The following SLC5A10 variants were observed in gnomAD, a reference collection of about 807,000 sequenced individuals.
The protein encoded by SLC5A10 is sodium/mannose cotransporter SLC5A10.
Under a neutral mutation model 68.9 loss-of-function variants are expected in SLC5A10, and 55 were observed. The ratio of observed to expected loss-of-function variants is 0.80; its 90% confidence interval spans 0.64 to 1.00. SLC5A10 has a LOEUF of 1.00. Ranked by LOEUF, SLC5A10 falls within the 50% of genes least tolerant of loss-of-function variation. The pLI is 0.00. For synonymous variants in SLC5A10, 344 were observed against 344.8 expected (o/e 1.00, Z 0.02); for missense variants, 732 against 819.3 (o/e 0.89, Z 1.30).
In SLC5A10 at chr17:19,019,869, C is replaced by G. The variant is rs745828196; in HGVS notation, c.1567C>G (p.Leu523Val). 2 of 1,613,014 alleles carry G rather than the reference C, an allele frequency of 1.2e-6. No homozygotes were observed. The highest frequency in any genetic ancestry group is 1.6e-4 in the Middle Eastern group (1 of 6,062). Residue 523 changes from leucine to valine, a missense_variant, in exon 13 of 15, where the codon CTC becomes GTC. Coordinates refer to ENST00000395645, the MANE Select transcript of SLC5A10 (RefSeq NM_001042450.4). ...YLHFAVALFALSGAVVVAGSL... is the reference protein window; with the variant it reads ...YLHFAVALFAVSGAVVVAGSL... Reference sequence around the variant, plus strand: ...GCACTTCGCTGTCGCCCTCTTTGCACTCAGTGGTGCTGTTGTGGTGGCTGG... The same window carrying G: ...GCACTTCGCTGTCGCCCTCTTTGCAGTCAGTGGTGCTGTTGTGGTGGCTGG...
intron 9 of SLC5A10, among the ~76,000 whole-genome samples, chr17:18,981,931 C>T (rs1226600004): frequency 1.3e-5 from 2 of 152,218 alleles, no homozygotes; most frequent in African/African-American, 4.8e-5. Flanking sequence ...CCTTCCCTGT[C>T]ACTGAGCCCA....
In SLC5A10 at chr17:18,968,611, G is replaced by A. The variant is rs2042759622; in HGVS notation, c.454-441G>A. 1.5e-5 allele frequency among the ~76,000 whole-genome samples: 2 copies of A among 136,478 alleles called. No individual in the cohort carries two copies. Among genetic ancestry groups the A allele is most frequent in the Admixed American group, 1.4e-4 (2 of 14,626 alleles). The allele number at this position is 136,478 out of a possible 152,430, so 89.5% of individuals were successfully genotyped here. On this transcript the variant is annotated intron_variant, in intron 5 of 14. Coordinates refer to ENST00000395645, the MANE Select transcript of SLC5A10 (RefSeq NM_001042450.4). This position sits in a 1 kb window ranked among gnomAD's most constrained non-coding sequence, Gnocchi z 4.1. ...AGCAAGGCTGCCCCTCTGTTTCCTG[G>A]TCCGCCCAGCACACACTTTTCCTGA...
At position 19,004,043 on chromosome 17, in the gene SLC5A10, G is replaced by C; in HGVS notation, c.983-9367G>C. ...ACACTGCACCTGAGAGAAGGCCATG[G>C]CGCCGCCTGCCCGGGCACTGCTGCC... On this transcript the variant is annotated intron_variant, in intron 9 of 14. Transcript: ENST00000395645. The surrounding 1 kb of genome is among the most constrained non-coding windows in gnomAD (Gnocchi z 5.4). The C allele has an allele frequency of 1.3e-6, 2 of 1,580,148 alleles. No homozygotes were observed. Among genetic ancestry groups the C allele is most frequent in the Non-Finnish European group, 1.7e-6 (2 of 1,160,782 alleles).
chr17:19,003,724 C>A lies in SLC5A10; in HGVS notation c.983-9686C>A. ...GCAGCGGCTCGGCCTCGATGGGGAC[C>A]CCATCCGCCCCGCTGGCTTCCTCGC... On this transcript the variant is annotated intron_variant, in intron 9 of 14. Transcript: ENST00000395645. The surrounding 1 kb of genome is among the most constrained non-coding windows in gnomAD (Gnocchi z 4.5). 6.2e-7 allele frequency: 1 copy of A among 1,603,922 alleles called. No individual in the cohort carries two copies. Among genetic ancestry groups the A allele is most frequent in the Non-Finnish European group, 8.5e-7 (1 of 1,175,082 alleles).
Position 18,968,878 on chromosome 17 carries a change from C to A in SLC5A10, c.454-174C>A. ...CAAGCTTGTAGCTCCACGGCCAGGT[C>A]TTCCCCCAACCTCACAATGGCCCCG... On this transcript the variant is annotated intron_variant, in intron 5 of 14. Coordinates refer to ENST00000395645, the MANE Select transcript of SLC5A10 (RefSeq NM_001042450.4). This position sits in a 1 kb window ranked among gnomAD's most constrained non-coding sequence, Gnocchi z 4.1. 1 of 606,360 alleles carries A rather than the reference C, an allele frequency of 1.6e-6. No homozygotes were observed. Among genetic ancestry groups the A allele is most frequent in the Non-Finnish European group, 2.9e-6 (1 of 346,750 alleles). The allele number at this position is 606,360 out of a possible 1,614,324, so 37.6% of individuals were successfully genotyped here.
rs763398818 is a variant in SLC5A10, at chr17:19,003,888, G to A, written c.983-9522G>A. The A allele has an allele frequency of 1.9e-6, 3 of 1,613,008 alleles. No individual in the cohort carries two copies. The highest frequency in any genetic ancestry group is 2.7e-5 in the African/African-American group (2 of 75,036). On this transcript the variant is annotated intron_variant, in intron 9 of 14. Transcript: ENST00000395645. This position sits in a 1 kb window ranked among gnomAD's most constrained non-coding sequence, Gnocchi z 4.5. ...GAGAGGAAGTCTCGGATGTTCTCCC[G>A]CTTGAGCACCTCGTAGAAGGCGTCC...
chr17:18,979,587 C>T (rs751323182), intron 9 of SLC5A10: 9 of 1,613,474 alleles, frequency 5.6e-6, no homozygotes, highest in African/African-American at 5.3e-5. Context: ...CATCCACAAA[C>T]ATGAACTTCT....
Position 19,013,503 on chromosome 17 carries a change from A to G in SLC5A10, c.1076A>G (p.Glu359Gly). The G allele has an allele frequency of 6.6e-7, 1 of 1,505,480 alleles. No individual in the cohort carries two copies. The highest frequency in any genetic ancestry group is 1.1e-5 in the South Asian group (1 of 87,388). 93.3% of individuals were successfully genotyped at this position (1,505,480 alleles called of 1,614,324 possible). Residue 359 changes from glutamate to glycine, a missense_variant, in exon 10 of 15, where the codon GAA (glutamate) becomes GGA (glycine). Coordinates refer to ENST00000395645, the MANE Select transcript of SLC5A10 (RefSeq NM_001042450.4). ...ATCGCCTACCCCAAGCTGGTCATGGAACTGATGCCCATCGGTGAGGCTGTG... is the reference window on the plus strand; with the variant it reads ...ATCGCCTACCCCAAGCTGGTCATGGGACTGATGCCCATCGGTGAGGCTGTG... ...SNIAYPKLVM[E>G]LMPIGLRGLM...
intron 9 of SLC5A10, among the ~76,000 whole-genome samples, chr17:18,998,639 C>G (rs891601263): frequency 1.3e-5 from 2 of 152,238 alleles, no homozygotes; most frequent in African/African-American, 4.8e-5. Context: ...CTTAGAGCTC[C>G]TTCCTCGAAG....
At position 18,971,662 on chromosome 17, in the gene SLC5A10, A is replaced by C. The variant is rs1401881288; in HGVS notation, c.846+444A>C. 1 of 1,613,276 alleles carries C rather than the reference A, an allele frequency of 6.2e-7. No homozygotes were observed. Among genetic ancestry groups the C allele is most frequent in the Admixed American group, 1.7e-5 (1 of 60,012 alleles). On this transcript the variant is annotated intron_variant, in intron 8 of 14. Coordinates refer to ENST00000395645, the MANE Select transcript of SLC5A10 (RefSeq NM_001042450.4). The surrounding 1 kb of genome is among the most constrained non-coding windows in gnomAD (Gnocchi z 5.5). ...TGGTAGAGCTCTGGACGCTGTCAGC[A>C]GCAGAGCGGTACCTAGGGGGTCCTG... is the stretch of plus-strand genomic sequence containing the variant.
In SLC5A10 at chr17:19,002,716, C is replaced by T. The variant is rs138367705; in HGVS notation, c.983-10694C>T. Among the ~76,000 whole-genome samples the T allele has an allele frequency of 3.2e-4, 49 of 152,344 alleles. 1 individual carries two copies. The East Asian group carries it at 5.0e-3, about 16-fold the overall frequency. On this transcript the variant is annotated intron_variant, in intron 9 of 14. Coordinates refer to ENST00000395645, the MANE Select transcript of SLC5A10 (RefSeq NM_001042450.4). ...ATGGTCACAACTGTCCAGCAGTGGC[C>T]TAGCTGTCTCTGCAAATGGCAAGCA...
At chr17:18,987,397 T>C (rs79909463) in intron 9 of SLC5A10, among the ~76,000 whole-genome samples, 3,648 of 152,304 alleles carry the variant, frequency 0.024, 145 homozygotes, top group African/African-American at 0.083. Context: ...GCACGGCCAA[T>C]GCAAGAGAAG....
At chr17:19,008,969 A>T (rs1371324005) in intron 9 of SLC5A10, among the ~76,000 whole-genome samples, 1 of 151,504 alleles carries the variant, frequency 6.6e-6, no homozygotes, top group Non-Finnish European at 1.5e-5. Flanking sequence ...GTGCCACTGC[A>T]CCTTGCTAAT....
rs375952088 is a variant in SLC5A10 at position 18,992,503 on chromosome 17, T to A, written c.982+15514T>A. On this transcript the variant is annotated intron_variant, in intron 9 of 14. Coordinates refer to ENST00000395645, the MANE Select transcript of SLC5A10 (RefSeq NM_001042450.4). ...CCAGCAGACACGGCCTGAAGCCACGTAACACTGGCTGCTGGCGTTGGGGGT... is the reference window on the plus strand; with the variant it reads ...CCAGCAGACACGGCCTGAAGCCACGAAACACTGGCTGCTGGCGTTGGGGGT... Among the ~76,000 whole-genome samples the A allele has an allele frequency of 1.9e-3, 294 of 152,310 alleles. 2 individuals are homozygous for A. Among genetic ancestry groups the A allele is most frequent in the African/African-American group, 6.9e-3 (288 of 41,566 alleles).
At chr17:18,990,615 C>T (rs1453632520) in intron 9 of SLC5A10, among the ~76,000 whole-genome samples, 1 of 152,238 alleles carries the variant, frequency 6.6e-6, no homozygotes, top group East Asian at 1.9e-4. Context: ...TTGCCCTCAG[C>T]CAGGCAGGGT....
At chr17:18,981,814 A>G (rs2043140943) in intron 9 of SLC5A10, among the ~76,000 whole-genome samples, 1 of 152,090 alleles carries the variant, frequency 6.6e-6, no homozygotes, top group Non-Finnish European at 1.5e-5. Context: ...CCAGCTCAGC[A>G]GGAAGCTGGC....
In SLC5A10 at chr17:19,017,760, C is replaced by T. The variant is rs1344913079; in HGVS notation, c.1242-1663C>T. 1.5e-5 allele frequency: 3 copies of T among 205,722 alleles called. No homozygotes were observed. Among genetic ancestry groups the T allele is most frequent in the Admixed American group, 1.1e-4 (2 of 18,254 alleles). The allele number at this position is 205,722 out of a possible 1,614,324, so 12.7% of individuals were successfully genotyped here. On this transcript the variant is annotated intron_variant, in intron 11 of 14. Coordinates refer to ENST00000395645, the MANE Select transcript of SLC5A10 (RefSeq NM_001042450.4). This position sits in a 1 kb window ranked among gnomAD's most constrained non-coding sequence, Gnocchi z 5.6. ...CTCGGAGAGATCTCAGACACCCCTC[C>T]TTGAGATGTTCCACAGTAACTGTGG...
chr17:18,958,613 C>G, intron 1 of SLC5A10, 69 bp from the exon 2 acceptor site: 1 of 1,408,118 alleles, frequency 7.1e-7, no homozygotes, highest in Non-Finnish European at 1.0e-6. Context: ...GCTGCCAAGC[C>G]GTTTCCCATT....
At chr17:18,984,212 G>T (rs765407230) in intron 9 of SLC5A10, among the ~76,000 whole-genome samples, 22 of 151,762 alleles carry the variant, frequency 1.4e-4, no homozygotes, top group Non-Finnish European at 2.8e-4. Context: ...CGTGGTGGCG[G>T]GCCCCTGTAG....
Sources: gnomAD v4.1 joint callset for allele counts (sites outside exome capture counted in the v4.1 genomes callset) on GRCh38, gnomAD v4.1.1 for gene constraint, Gnocchi (gnomAD v3.1) non-coding constraint, MANE v1.5 for transcripts, NCBI Gene and HGNC (gene_info 2026-07-23, HGNC 2026-07-21) for gene names.